SNX2: variants seen among roughly 807,000 people sequenced by gnomAD.
The protein encoded by SNX2 is sorting nexin 2.
In SNX2, 25 loss-of-function variants were observed where a neutral mutation model predicts 69.9. The ratio of observed to expected loss-of-function variants is 0.36; its 90% CI spans 0.26 to 0.50. The LOEUF is 0.50. Ranked by LOEUF, SNX2 falls within the 20% of genes least tolerant of loss-of-function variation. The probability of loss-of-function intolerance (pLI) is 0.97; values close to 1 mark genes in which losing one functional copy is unlikely to be tolerated. For synonymous variants in SNX2, 229 were observed against 200.4 expected (o/e 1.14, Z -1.20); for missense variants, 551 against 613.3 (o/e 0.90, Z 1.07).
intron 1 of SNX2, among the ~76,000 whole-genome samples, chr5:122,777,697 TTTA>T (rs1355113976): frequency 6.6e-6 from 1 of 152,208 alleles, no homozygotes; most frequent in Non-Finnish European, 1.5e-5. Context: ...TATTTTTACT[TTTA>T]TTATTTTTAA....
chr5:122,826,061 C>A lies in SNX2; in HGVS notation c.1224C>A (p.Asp408Glu). The A allele has an allele frequency of 2.5e-6, 4 of 1,612,736 alleles. No individual in the cohort carries two copies. The highest frequency in any genetic ancestry group is 3.4e-6 in the Non-Finnish European group (4 of 1,179,150). Residue 408 changes from aspartate (D) to glutamate (E), a missense_variant, in exon 12 of 15, where the codon GAC becomes GAA. Transcript: ENST00000379516. ...TCATTCACTTATAGGGTGTGTTTGA[C>A]CATCGAATGAAGTGCTGGCAGAAAT... is the stretch of plus-strand genomic sequence containing the variant. ...RLIAAVKGVF[D>E]HRMKCWQKWE... is the part of the protein sequence containing the mutation.
intron 14 of SNX2, 148 bp downstream of exon 14, chr5:122,827,794 G>T: frequency 1.7e-6 from 1 of 602,892 alleles, no homozygotes; most frequent in South Asian, 2.3e-5. Flanking sequence ...GGATAAAAGG[G>T]TAAACTAATC....
intron 11 of SNX2, 83 bp downstream of exon 11, chr5:122,819,106 T>G (rs1346981456): frequency 9.7e-7 from 1 of 1,035,666 alleles, no homozygotes; most frequent in African/African-American, 1.6e-5. Context: ...TATTTACATG[T>G]CTAAATTCCT....
chr5:122,820,160 A>G (rs1484637082), intron 11 of SNX2, among the ~76,000 whole-genome samples: 1 of 152,184 alleles, frequency 6.6e-6, no homozygotes, highest in Non-Finnish European at 1.5e-5. Flanking sequence ...AGAGCACCCA[A>G]TAGCATGAGA....
chr5:122,787,624 A>G (rs564756265), intron 1 of SNX2, among the ~76,000 whole-genome samples: 2 of 152,266 alleles, frequency 1.3e-5, no homozygotes, highest in South Asian at 2.1e-4. Context: ...TGGATTCCTC[A>G]TAGCCTCTCC....
chr5:122,797,938 T>C (rs1426543673), intron 2 of SNX2, among the ~76,000 whole-genome samples: 1 of 152,198 alleles, frequency 6.6e-6, no homozygotes, highest in Non-Finnish European at 1.5e-5. Flanking sequence ...TTAGTGTAAA[T>C]AACACAAAAC....
At chr5:122,811,865 T>C (rs1753786387) in intron 7 of SNX2, among the ~76,000 whole-genome samples, 1 of 91,226 alleles carries the variant, frequency 1.1e-5, no homozygotes, top group Admixed American at 1.1e-4. Flanking sequence ...AAATAAAATG[T>C]AGTGTGTCAG....
At chr5:122,813,286 T>C (rs1753821681) in intron 7 of SNX2, among the ~76,000 whole-genome samples, 1 of 152,142 alleles carries the variant, frequency 6.6e-6, no homozygotes, top group Admixed American at 6.5e-5. Flanking sequence ...TAAACATATA[T>C]ATAAAAGCAT....
intron 7 of SNX2, among the ~76,000 whole-genome samples, chr5:122,809,211 G>A (rs13185252): frequency 0.2 from 30,936 of 151,950 alleles, 3,563 homozygotes; most frequent in East Asian, 0.46. Context: ...TATATGAGAG[G>A]CTGTCCATAG....
chr5:122,825,874 A>G (rs1754138248), intron 11 of SNX2, among the ~76,000 whole-genome samples, 176 bp from the exon 12 acceptor site: 1 of 152,106 alleles, frequency 6.6e-6, no homozygotes, highest in Non-Finnish European at 1.5e-5. Flanking sequence ...GTTTTAAGCA[A>G]ATGAATATGG....
At chr5:122,810,135 G>A (rs1166729724) in intron 7 of SNX2, among the ~76,000 whole-genome samples, 3 of 150,262 alleles carry the variant, frequency 2.0e-5, no homozygotes, top group African/African-American at 7.4e-5. Flanking sequence ...CATGTGCTGT[G>A]TCCACTCAGG....
chr5:122,782,761 T>C (rs1753006393), intron 1 of SNX2, among the ~76,000 whole-genome samples: 1 of 152,076 alleles, frequency 6.6e-6, no homozygotes, highest in Non-Finnish European at 1.5e-5. Flanking sequence ...GGTCTTGAAC[T>C]CCTGACCTGA....
chr5:122,818,069 T>A lies in SNX2; in HGVS notation c.1006+696T>A, dbSNP rs572979965. On this transcript the variant is annotated intron_variant, in intron 10 of 14. Coordinates refer to ENST00000379516, the MANE Select transcript of SNX2 (RefSeq NM_003100.4). ...ATAATTATAGAAACTTATTAATACA[T>A]TTATTATTGAAAGTAGTTTGTAACA... Among the ~76,000 whole-genome samples, 61 of 152,248 alleles carry A rather than the reference T, an allele frequency of 4.0e-4. No homozygotes were observed. In the South Asian group the frequency reaches 0.012, roughly 30 times the overall value.
chr5:122,803,448 G>A, intron 5 of SNX2, 24 bp from the exon 6 acceptor site: 1 of 1,579,632 alleles, frequency 6.3e-7, no homozygotes, highest in African/African-American at 1.4e-5. Context: ...TTCAAAATTT[G>A]AAACACCTCT....
rs1285935041 is a variant in SNX2 at position 122,829,598 on chromosome 5, C to G, written c.1510C>G (p.Leu504Val). Residue 504 changes from leucine to valine, a missense_variant and splice_region_variant, in exon 15 of 15, where the codon CTG (leucine) becomes GTG (valine). Physicochemically the swap from Leu to Val is conservative, Grantham distance 32 (BLOSUM62 1). This residue lies in a region of SNX2 where 360 missense variants were observed against 450.4 expected (regional missense o/e 0.80). Coordinates refer to ENST00000379516, the MANE Select transcript of SNX2 (RefSeq NM_003100.4). The stretch of plus-strand genomic sequence containing the variant: ...CTTATATTTTAATTATCATTCACAG[C>G]TGATAAAATACTGGGAAGCATTCCT... Reference protein sequence around the residue: ...LESLVQTQQQLIKYWEAFLPE... With the variant: ...LESLVQTQQQVIKYWEAFLPE... The G allele has an allele frequency of 6.2e-7, 1 of 1,609,252 alleles. No homozygotes were observed. The highest frequency in any genetic ancestry group is 8.5e-7 in the Non-Finnish European group (1 of 1,175,700).
intron 1 of SNX2, among the ~76,000 whole-genome samples, chr5:122,789,726 A>G (rs1753184695): frequency 6.6e-6 from 1 of 152,196 alleles, no homozygotes; most frequent in Admixed American, 6.5e-5. Flanking sequence ...ACCAGAGTTT[A>G]GCTGTCTCTG....
At chr5:122,817,482 C>T in intron 10 of SNX2, 109 bp downstream of exon 10, 1 of 723,412 alleles carries the variant, frequency 1.4e-6, no homozygotes, top group Admixed American at 3.4e-5. Context: ...AGAGAGAAAA[C>T]AATCATTTAA....
At chr5:122,826,594 AGTTT>A in intron 12 of SNX2, 1 of 785,730 alleles carries the variant, frequency 1.3e-6, no homozygotes, top group Non-Finnish European at 1.5e-6. Context: ...AATTTGTATA[AGTTT>A]ATTATAATTT....
Position 122,827,584 on chromosome 5 carries a change from G to A in SNX2, c.1447G>A (p.Val483Met), listed in dbSNP as rs1309253525. ...KEVGRFEKER[V>M]KDFKTVIIKY... ...AAATGTACTTCAACAGAAAGAACGA[G>A]TGAAGGATTTTAAAACCGTTATCAT... Residue 483 changes from valine (V) to methionine (M), a missense_variant, in exon 14 of 15, where the codon GTG becomes ATG. Val to Met is a conservative substitution (Grantham distance 21, BLOSUM62 1). This residue lies in a region of SNX2 where 360 missense variants were observed against 450.4 expected (regional missense o/e 0.80). Coordinates refer to ENST00000379516, the MANE Select transcript of SNX2 (RefSeq NM_003100.4). 1 of 1,613,102 alleles carries A rather than the reference G, an allele frequency of 6.2e-7. No homozygotes were observed. Among genetic ancestry groups the A allele is most frequent in the South Asian group, 1.1e-5 (1 of 91,038 alleles).
Sources: allele counts gnomAD v4.1 joint callset (sites outside exome capture counted in the v4.1 genomes callset), GRCh38; gene constraint gnomAD v4.1.1; regional missense constraint gnomAD v4.1.1; transcripts MANE v1.5; gene names NCBI Gene and HGNC (gene_info 2026-07-23, HGNC 2026-07-21).